FBLN2: variants seen among roughly 807,000 people sequenced by gnomAD.
The protein encoded by FBLN2 is fibulin 2.
FBLN2 carries 81 observed loss-of-function variants against 123.7 expected under a neutral mutation model. The ratio of observed to expected loss-of-function variants is 0.65; its 90% CI spans 0.55 to 0.79. FBLN2 has a LOEUF of 0.79. Ranked by LOEUF, FBLN2 falls within the 30% of genes least tolerant of loss-of-function variation. FBLN2 has a pLI of 0.00. For synonymous variants in FBLN2, 699 were observed against 701.4 expected, an observed-to-expected ratio of 1.00 and a Z score of 0.05; for missense variants, 1,603 against 1,681.3, an observed-to-expected ratio of 0.95 and a Z score of 0.81.
intron 5 of FBLN2, among the ~76,000 whole-genome samples, chr3:13,615,008 CCA>C: frequency 6.6e-6 from 1 of 151,936 alleles, no homozygotes; most frequent in Non-Finnish European, 1.5e-5. Flanking sequence ...ATCCATCCAT[CCA>C]TCCATCCATC....
chr3:13,609,755 C>T (rs1437874806), intron 4 of FBLN2, 113 bp downstream of exon 4: 2 of 1,287,220 alleles, frequency 1.6e-6, no homozygotes, highest in African/African-American at 3.0e-5. Context: ...GGGGCTCCTC[C>T]TGGGAGTGAC....
chr3:13,565,834 C>T (rs887971243), intron 1 of FBLN2, among the ~76,000 whole-genome samples: 6 of 152,274 alleles, frequency 3.9e-5, no homozygotes, highest in Middle Eastern at 3.4e-3. Context: ...GCACACTGGG[C>T]GTCAGAAGCA....
chr3:13,612,546 G>C (rs1209563892), intron 4 of FBLN2, among the ~76,000 whole-genome samples: 1 of 151,734 alleles, frequency 6.6e-6, no homozygotes, highest in Non-Finnish European at 1.5e-5. Context: ...ACGCCCGGCT[G>C]ATTTTTTTGT....
intron 9 of FBLN2, among the ~76,000 whole-genome samples, chr3:13,623,329 A>G (rs141550965): frequency 2.0e-5 from 3 of 152,318 alleles, no homozygotes; most frequent in African/African-American, 7.2e-5. Flanking sequence ...GCCTGGAGAT[A>G]AAACATACTA....
chr3:13,638,347 A>G lies in FBLN2; in HGVS notation c.*428A>G, dbSNP rs1404408881. The G allele has an allele frequency of 2.8e-6, 1 of 362,980 alleles. No homozygotes were observed. The highest frequency in any genetic ancestry group is 5.0e-6 in the Non-Finnish European group (1 of 198,850). 22.5% of individuals were successfully genotyped at this position (362,980 alleles called of 1,614,324 possible). On this transcript the variant is annotated 3_prime_UTR_variant, in exon 18 of 18. Coordinates refer to ENST00000404922, the MANE Select transcript of FBLN2 (RefSeq NM_001004019.2). ...TGTTTAACTATAAAGTAGTACATGT[A>G]CATTATATAAAAAAAAGTTCAACTA... is the stretch of plus-strand genomic sequence containing the variant.
At position 13,636,332 on chromosome 3, in the gene FBLN2, C is replaced by G. The variant is rs1218606443; in HGVS notation, c.3215-113C>G. 3.8e-6 allele frequency: 5 copies of G among 1,329,972 alleles called. No homozygotes were observed. In the African/African-American group the frequency reaches 7.4e-5, roughly 20 times the overall value. 82.4% of individuals were successfully genotyped at this position (1,329,972 alleles called of 1,614,324 possible). ...ATGTGTGTGCAGGGAGGCACGCGGG[C>G]TATTCTCACAGGTCCGGCTGCCGTG... On this transcript the variant is annotated intron_variant, in intron 16 of 17. Coordinates refer to ENST00000404922, the MANE Select transcript of FBLN2 (RefSeq NM_001004019.2).
At position 13,571,426 on chromosome 3, in the gene FBLN2, G is replaced by T. The variant is rs376666444; in HGVS notation, c.1071G>T (p.Thr357=). The T allele has an allele frequency of 8.1e-6, 13 of 1,612,734 alleles. No homozygotes were observed. The Admixed American group carries it at 1.2e-4, about 15-fold the overall frequency. Residue 357 remains threonine (T), a synonymous_variant, in exon 2 of 18, where the codon ACG becomes ACT. Coordinates refer to ENST00000404922, the MANE Select transcript of FBLN2 (RefSeq NM_001004019.2). ...GCAGCACTGGGCCGGAGGGCGTGAC[G>T]CATGCACCGAGCCTGGGCAAGGCTG... ...TSRSTGPEGV[T]HAPSLGKAAL...
intron 2 of FBLN2, among the ~76,000 whole-genome samples, chr3:13,602,603 G>A (rs78883608): frequency 0.015 from 2,354 of 152,150 alleles, 49 homozygotes; most frequent in African/African-American, 0.049. Flanking sequence ...TCAAATTTTC[G>A]TCTTCATGTG....
At chr3:13,624,293 C>G (rs187877493) in intron 9 of FBLN2, among the ~76,000 whole-genome samples, 1 of 152,222 alleles carries the variant, frequency 6.6e-6, no homozygotes, top group African/African-American at 2.4e-5. Context: ...ACGATGTCCT[C>G]TAAACCACCT....
At chr3:13,587,995 A>G (rs1704561518) in intron 2 of FBLN2, among the ~76,000 whole-genome samples, 1 of 152,234 alleles carries the variant, frequency 6.6e-6, no homozygotes, top group Non-Finnish European at 1.5e-5. Context: ...CTTGGGCACA[A>G]GTGGTCAGGA....
chr3:13,600,766 C>G (rs1223375629), intron 2 of FBLN2, among the ~76,000 whole-genome samples: 1 of 152,134 alleles, frequency 6.6e-6, no homozygotes, highest in African/African-American at 2.4e-5. Flanking sequence ...CAGGTGCCCA[C>G]CACCATGCCC....
At chr3:13,579,071 A>C (rs147397071) in intron 2 of FBLN2, among the ~76,000 whole-genome samples, 28 of 152,256 alleles carry the variant, frequency 1.8e-4, no homozygotes, top group Non-Finnish European at 3.1e-4. Flanking sequence ...AAAGAGAACT[A>C]TCAGACTGTT....
intron 1 of FBLN2, 83 bp from the exon 2 acceptor site, chr3:13,570,232 C>A: frequency 7.3e-7 from 1 of 1,377,690 alleles, no homozygotes; most frequent in Non-Finnish European, 9.4e-7. Context: ...TGAGGCTGGG[C>A]CCCTGCCCGC....
At chr3:13,598,648 A>G (rs1366685452) in intron 2 of FBLN2, among the ~76,000 whole-genome samples, 1 of 152,166 alleles carries the variant, frequency 6.6e-6, no homozygotes, top group African/African-American at 2.4e-5. Flanking sequence ...ATGAGATGAT[A>G]TACACCAAGA....
intron 9 of FBLN2, among the ~76,000 whole-genome samples, chr3:13,623,508 C>T (rs922888813): frequency 9.9e-5 from 15 of 152,194 alleles, no homozygotes; most frequent in African/African-American, 3.4e-4. Context: ...CCCTCGCACA[C>T]GTGTTCATCC....
chr3:13,609,687 G>GGGGGGGGGGGT, intron 4 of FBLN2, 45 bp downstream of exon 4: 1 of 463,680 alleles, frequency 2.2e-6, no homozygotes, highest in South Asian at 1.6e-5. Flanking sequence ...GGTGGGGCGG[G>GGGGGGGGGGGT]GCGGGAGGCT....
At chr3:13,567,747 C>T (rs914492407) in intron 1 of FBLN2, among the ~76,000 whole-genome samples, 14 of 152,036 alleles carry the variant, frequency 9.2e-5, no homozygotes, top group Non-Finnish European at 1.9e-4. Context: ...GCAGGAGGGT[C>T]GCTTGAGGTC....
rs756423546 is a variant in FBLN2 at position 13,570,794 on chromosome 3, G to A, written c.439G>A (p.Ala147Thr). 1.3e-5 allele frequency: 20 copies of A among 1,595,284 alleles called. 1 individual carries two copies. Among genetic ancestry groups the A allele is most frequent in the Middle Eastern group, 3.3e-4 (2 of 6,052 alleles). ...CTGCGTCCACGCGGGCCACAAGTAC[G>A]CCGCTGGCCACACTGTTCACCTGCC... ...VGCVHAGHKY[A>T]AGHTVHLPPC... The change falls in exon 2 of 18, where the codon GCC becomes ACC. Residue 147 changes from alanine to threonine, a missense_variant. Ala to Thr is a moderately conservative substitution (Grantham distance 58, BLOSUM62 0). Coordinates refer to ENST00000404922, the MANE Select transcript of FBLN2 (RefSeq NM_001004019.2).
chr3:13,582,807 A>G (rs1014171884), intron 2 of FBLN2, among the ~76,000 whole-genome samples: 2 of 152,188 alleles, frequency 1.3e-5, no homozygotes, highest in Admixed American at 6.5e-5. Flanking sequence ...ATCCTGCCAG[A>G]GGTTCTGCAG....
Sources: allele counts gnomAD v4.1 joint callset (sites outside exome capture counted in the v4.1 genomes callset), GRCh38; gene constraint gnomAD v4.1.1; transcripts MANE v1.5; gene names NCBI Gene and HGNC (gene_info 2026-07-23, HGNC 2026-07-21).